The following PTPRD variants were observed in gnomAD, a reference collection of about 807,000 sequenced individuals.
PTPRD encodes protein tyrosine phosphatase receptor type D, also known as receptor-type tyrosine-protein phosphatase delta.
In PTPRD, 34 loss-of-function variants were observed where a neutral mutation model predicts 214.5. That is an observed-to-expected ratio of 0.16 (90% CI 0.12 to 0.21). The LOEUF is 0.21. Ranked by LOEUF, PTPRD falls within the 10% of genes least tolerant of loss-of-function variation. The probability of loss-of-function intolerance (pLI) is 1.00; values close to 1 mark genes in which losing one functional copy is unlikely to be tolerated. For missense variants in PTPRD, 2,545 were observed against 2,398.7 expected, an observed-to-expected ratio of 1.06 and a Z score of -1.27; for synonymous variants, 1,128 against 845.7, an observed-to-expected ratio of 1.33 and a Z score of -5.79.
At chr9:9,047,139 T>TA (rs953327727) in intron 10 of PTPRD, among the ~76,000 whole-genome samples, 1 of 151,690 alleles carries the variant, frequency 6.6e-6, no homozygotes, top group Admixed American at 6.6e-5. Flanking sequence ...GAAAAAGAAA[T>TA]AAAAAAATAC....
intron 4 of PTPRD, among the ~76,000 whole-genome samples, chr9:9,965,537 A>C (rs2094627363): frequency 6.6e-6 from 1 of 152,206 alleles, no homozygotes; most frequent in Non-Finnish European, 1.5e-5. Context: ...TGCCATGCTA[A>C]GGAGATTCAG....
chr9:10,353,831 T>A (rs1363174372), intron 2 of PTPRD, among the ~76,000 whole-genome samples: 2 of 151,954 alleles, frequency 1.3e-5, no homozygotes, highest in East Asian at 3.9e-4. Flanking sequence ...TGGTAAAATT[T>A]TTTCCATGTT....
chr9:8,812,675 T>A (rs538140217), intron 11 of PTPRD, among the ~76,000 whole-genome samples: 192 of 152,092 alleles, frequency 1.3e-3, no homozygotes, highest in Middle Eastern at 6.8e-3. Context: ...ATCAAAGGAA[T>A]TAGCCAATGC....
intron 11 of PTPRD, among the ~76,000 whole-genome samples, chr9:8,757,027 A>G (rs894806420): frequency 2.0e-4 from 31 of 152,170 alleles, no homozygotes; most frequent in African/African-American, 7.5e-4. Context: ...CTGTAATCCC[A>G]GCTACTCGGG....
In PTPRD at chr9:10,290,374, T is replaced by C. The variant is rs1028043952; in HGVS notation, c.-545+50589A>G. ...ATACTGCAACGATCTAAAGGAGGCA[T>C]TGATGCACATGTAAACCCATAAATC... On this transcript the variant is annotated intron_variant, in intron 3 of 45. Transcript: ENST00000381196. Among the ~76,000 whole-genome samples, 7 of 152,182 alleles carry C rather than the reference T, an allele frequency of 4.6e-5. No individual in the cohort carries two copies. In the South Asian group the frequency reaches 6.2e-4, roughly 14 times the overall value.
intron 3 of PTPRD, among the ~76,000 whole-genome samples, chr9:10,214,893 G>C (rs1028411388): frequency 6.6e-6 from 1 of 152,022 alleles, no homozygotes. Flanking sequence ...AATCCTCTAA[G>C]GGGATTCATA....
Position 8,948,468 on chromosome 9 carries a change from CATAT to C in PTPRD, c.-104+70225_-104+70228del, listed in dbSNP as rs1170862286. 3.7e-4 allele frequency among the ~76,000 whole-genome samples: 3 copies of C among 8,052 alleles called. 1 individual carries two copies. The highest frequency in any genetic ancestry group is 4.7e-4 in the Non-Finnish European group (2 of 4,266). 5.3% of individuals were successfully genotyped at this position (8,052 alleles called of 152,430 possible). On this transcript the variant is annotated intron_variant, in intron 11 of 45. Transcript: ENST00000381196. ...ATATATATATTTATATATATATTTACATATATATATATTTATATATATATTTATA... is the reference window on the plus strand; with the variant it reads ...ATATATATATTTATATATATATTTACATATATATTTATATATATATTTATA...
intron 9 of PTPRD, among the ~76,000 whole-genome samples, chr9:9,275,110 A>T (rs1251604622): frequency 1.6e-5 from 1 of 63,754 alleles, no homozygotes; most frequent in African/African-American, 6.8e-5. Context: ...ATAATATATT[A>T]TATATATATT....
At chr9:9,116,999 T>C (rs1373349025) in intron 10 of PTPRD, among the ~76,000 whole-genome samples, 1 of 152,026 alleles carries the variant, frequency 6.6e-6, no homozygotes, top group Admixed American at 6.6e-5. Flanking sequence ...TGTGTCACAG[T>C]TGGGGAGAAG....
chr9:9,492,142 G>C (rs1465946906), intron 8 of PTPRD, among the ~76,000 whole-genome samples: 1 of 151,616 alleles, frequency 6.6e-6, no homozygotes, highest in Non-Finnish European at 1.5e-5. Context: ...GGATAACCTA[G>C]ATGAAATGAA....
intron 9 of PTPRD, among the ~76,000 whole-genome samples, chr9:9,271,963 A>G (rs1023618994): frequency 6.6e-6 from 1 of 151,346 alleles, no homozygotes; most frequent in Non-Finnish European, 1.5e-5. Flanking sequence ...GCTATATTGC[A>G]TTATTATTTC....
chr9:9,786,381 A>T (rs1055260947), intron 5 of PTPRD, among the ~76,000 whole-genome samples: 3 of 152,250 alleles, frequency 2.0e-5, no homozygotes, highest in Admixed American at 1.3e-4. Flanking sequence ...TCGAGAGAGT[A>T]TCAAGAACCT....
intron 9 of PTPRD, among the ~76,000 whole-genome samples, chr9:9,245,607 C>T (rs1443660565): frequency 7.9e-5 from 12 of 151,182 alleles, no homozygotes; most frequent in Admixed American, 6.6e-5. Flanking sequence ...CATCACACAC[C>T]AGGGCCTGTT....
intron 30 of PTPRD, among the ~76,000 whole-genome samples, chr9:8,476,631 A>G (rs2096771322): frequency 6.6e-6 from 1 of 152,152 alleles, no homozygotes; most frequent in African/African-American, 2.4e-5. Flanking sequence ...GGTCTCTATG[A>G]ACCATTTTTA....
intron 3 of PTPRD, among the ~76,000 whole-genome samples, chr9:10,161,992 T>C (rs181144225): frequency 7.9e-5 from 12 of 151,682 alleles, no homozygotes; most frequent in Admixed American, 5.9e-4. Flanking sequence ...AAAACTACAA[T>C]GAAATGTTTT....
chr9:8,752,042 C>G (rs1210068129), intron 11 of PTPRD, among the ~76,000 whole-genome samples: 2 of 152,146 alleles, frequency 1.3e-5, no homozygotes, highest in Non-Finnish European at 2.9e-5. Context: ...CTGCATGGTC[C>G]CTTCCACTTG....
chr9:10,521,711 G>A (rs1473807400), intron 2 of PTPRD, among the ~76,000 whole-genome samples: 1 of 152,142 alleles, frequency 6.6e-6, no homozygotes, highest in Non-Finnish European at 1.5e-5. Flanking sequence ...TTAGCATGGT[G>A]GCGGGACCCT....
intron 11 of PTPRD, among the ~76,000 whole-genome samples, chr9:8,792,101 G>A (rs1367959815): frequency 6.6e-6 from 1 of 152,174 alleles, no homozygotes; most frequent in Non-Finnish European, 1.5e-5. Flanking sequence ...ACGTCAAAAT[G>A]ACCTCGTCAA....
chr9:10,326,999 C>T (rs1053354852), intron 3 of PTPRD, among the ~76,000 whole-genome samples: 5 of 151,232 alleles, frequency 3.3e-5, no homozygotes, highest in Admixed American at 2.0e-4. Context: ...TATGTTCAAA[C>T]GATCTTGTAA....
Sources: gnomAD v4.1 joint callset for allele counts (sites outside exome capture counted in the v4.1 genomes callset) on GRCh38, gnomAD v4.1.1 for gene constraint, MANE v1.5 for transcripts, NCBI Gene and HGNC (gene_info 2026-07-23, HGNC 2026-07-21) for gene names.